CDK13: variants seen among roughly 807,000 people sequenced by gnomAD.
CDK13 encodes cyclin dependent kinase 13, also known as cyclin-dependent kinase 13.
Under a neutral mutation model 137.6 loss-of-function variants are expected in CDK13, and 40 were observed. That is an observed-to-expected ratio of 0.29 (90% CI 0.23 to 0.38). CDK13 has a LOEUF of 0.38. Ranked by LOEUF, CDK13 falls within the 10% of genes least tolerant of loss-of-function variation. CDK13 has a pLI of 1.00. For missense variants in CDK13, 1,704 were observed against 1,951.8 expected, an observed-to-expected ratio of 0.87 and a Z score of 2.39; for synonymous variants, 869 against 760.1, an observed-to-expected ratio of 1.14 and a Z score of -2.36.
At chr7:40,074,379 C>A (rs1000907843) in intron 9 of CDK13, among the ~76,000 whole-genome samples, 1 of 151,728 alleles carries the variant, frequency 6.6e-6, no homozygotes, top group South Asian at 2.1e-4. Flanking sequence ...AAAAATTAGC[C>A]GGGTGTGGTG....
intron 2 of CDK13, 97 bp from the exon 3 acceptor site, chr7:39,997,397 A>T: frequency 1.1e-6 from 1 of 910,974 alleles, no homozygotes; most frequent in South Asian, 1.5e-5. Context: ...ATACTGTTGA[A>T]TATTCATGAC....
intron 11 of CDK13, among the ~76,000 whole-genome samples, chr7:40,081,413 A>G (rs1584081974): frequency 6.6e-6 from 1 of 152,202 alleles, no homozygotes; most frequent in Non-Finnish European, 1.5e-5. Flanking sequence ...AGCAACTATC[A>G]TAGCATTTTG....
Position 39,951,502 on chromosome 7 carries a change from G to C in CDK13, c.861G>C (p.Lys287Asn), listed in dbSNP as rs1490241674. Reference protein sequence around the residue: ...KAHRSRTKSSKEPPSAYKEPP... With the variant: ...KAHRSRTKSSNEPPSAYKEPP... ...ACCGCAGCCGGACTAAGTCGTCCAA[G>C]GAGCCGCCTTCGGCCTACAAGGAAC... Residue 287 changes from lysine to asparagine, a missense_variant, in exon 1 of 14, where the codon AAG becomes AAC. Coordinates refer to ENST00000181839, the MANE Select transcript of CDK13 (RefSeq NM_003718.5). The C allele has an allele frequency of 2.0e-6, 3 of 1,536,860 alleles. No homozygotes were observed. Among genetic ancestry groups the C allele is most frequent in the Admixed American group, 4.1e-5 (2 of 48,486 alleles).
At chr7:40,043,831 C>CAA (rs112749380) in intron 5 of CDK13, among the ~76,000 whole-genome samples, 9 of 97,680 alleles carry the variant, frequency 9.2e-5, no homozygotes, top group African/African-American at 2.5e-4. Flanking sequence ...GACCCTGTCT[C>CAA]AAAAAAAAAA....
At chr7:39,971,664 C>A (rs1784002341) in intron 1 of CDK13, among the ~76,000 whole-genome samples, 1 of 147,782 alleles carries the variant, frequency 6.8e-6, no homozygotes, top group Non-Finnish European at 1.5e-5. Context: ...GCAGGCAGAT[C>A]ACGAGGTCAG....
chr7:39,978,826 G>A (rs1784163516), intron 1 of CDK13, among the ~76,000 whole-genome samples: 1 of 152,234 alleles, frequency 6.6e-6, no homozygotes, highest in Non-Finnish European at 1.5e-5. Context: ...GAGAGTATGA[G>A]ATTGATGCAT....
chr7:40,022,394 AC>A (rs969662762), intron 5 of CDK13, among the ~76,000 whole-genome samples: 2 of 152,168 alleles, frequency 1.3e-5, no homozygotes, highest in African/African-American at 4.8e-5. Context: ...CTCTTCCAAT[AC>A]TCATACTACA....
At chr7:40,026,891 C>G (rs1260271034) in intron 5 of CDK13, among the ~76,000 whole-genome samples, 1 of 152,186 alleles carries the variant, frequency 6.6e-6, no homozygotes, top group Non-Finnish European at 1.5e-5. Flanking sequence ...CAAACAATTT[C>G]AAGTTATATA....
At chr7:39,995,609 T>G (rs1211017332) in intron 2 of CDK13, among the ~76,000 whole-genome samples, 1 of 152,250 alleles carries the variant, frequency 6.6e-6, no homozygotes, top group Non-Finnish European at 1.5e-5. Flanking sequence ...TTGTTAAATT[T>G]CCAGTGCCTT....
At chr7:40,038,101 ATTC>A (rs1332318482) in intron 5 of CDK13, among the ~76,000 whole-genome samples, 3 of 152,078 alleles carry the variant, frequency 2.0e-5, no homozygotes, top group East Asian at 1.9e-4. Context: ...TGTCACTTCC[ATTC>A]TTCTTTTTCT....
At chr7:40,007,791 G>T (rs1784823175) in intron 5 of CDK13, among the ~76,000 whole-genome samples, 1 of 152,128 alleles carries the variant, frequency 6.6e-6, no homozygotes, top group Admixed American at 6.6e-5. Flanking sequence ...ATTTCTGAGA[G>T]CAGGGACTCA....
At chr7:40,073,649 T>C (rs923251647) in intron 9 of CDK13, 1 of 151,724 alleles carries the variant, frequency 6.6e-6, no homozygotes, top group Non-Finnish European at 1.5e-5. Context: ...TGGAGTGCAG[T>C]GGCGCAATCT....
chr7:39,996,983 A>AAAAAAAAAAAAAAAAAAAAAAAAAAAG (rs1562719391), intron 2 of CDK13, among the ~76,000 whole-genome samples: 7 of 141,422 alleles, frequency 4.9e-5, no homozygotes, highest in African/African-American at 2.1e-4. Context: ...AAAAGAAAAA[A>AAAAAAAAAAAAAAAAAAAAAAAAAAAG]AAAAAGAAAA....
At chr7:40,053,107 A>C (rs1180161504) in intron 7 of CDK13, among the ~76,000 whole-genome samples, 1 of 152,194 alleles carries the variant, frequency 6.6e-6, no homozygotes, top group African/African-American at 2.4e-5. Context: ...AGTAGTCTTC[A>C]TTTTTGAGCA....
chr7:39,965,990 G>A (rs1419991020), intron 1 of CDK13, among the ~76,000 whole-genome samples: 2 of 152,200 alleles, frequency 1.3e-5, no homozygotes, highest in African/African-American at 2.4e-5. Context: ...GAGATCAGCT[G>A]TTAGTCTGAT....
In CDK13 at chr7:39,951,699, G is replaced by C; in HGVS notation, c.1058G>C (p.Arg353Pro). ...PAGGGSSPYSRRLPRSPSPYS... is the reference protein window; with the variant it reads ...PAGGGSSPYSPRLPRSPSPYS... Reference sequence around the variant, plus strand: ...GGAGGTGGCAGCAGCCCCTATTCTCGGCGGCTGCCGCGCTCCCCGAGCCCC... The same window carrying C: ...GGAGGTGGCAGCAGCCCCTATTCTCCGCGGCTGCCGCGCTCCCCGAGCCCC... The change falls in exon 1 of 14, where the codon CGG becomes CCG. Residue 353 changes from arginine to proline, a missense_variant. Transcript: ENST00000181839. 1.4e-6 allele frequency: 2 copies of C among 1,467,712 alleles called. No homozygotes were observed. The highest frequency in any genetic ancestry group is 1.8e-6 in the Non-Finnish European group (2 of 1,118,460). 90.9% of individuals were successfully genotyped at this position (1,467,712 alleles called of 1,614,324 possible). A position where few individuals can be genotyped will look rare whatever the true frequency, so the allele number is the denominator to read the frequency against.
At chr7:40,059,655 CCTT>C (rs1341534511) in intron 7 of CDK13, among the ~76,000 whole-genome samples, 2 of 152,202 alleles carry the variant, frequency 1.3e-5, no homozygotes, top group African/African-American at 4.8e-5. Flanking sequence ...CTGCACCCAG[CCTT>C]CTTGGGATTG....
chr7:40,014,698 C>T (rs1023405790), intron 5 of CDK13, among the ~76,000 whole-genome samples: 2 of 151,826 alleles, frequency 1.3e-5, no homozygotes, highest in African/African-American at 4.8e-5. Context: ...TCAAGTGATC[C>T]ACCTGCCTTG....
chr7:39,988,368 A>T (rs1267411471), intron 2 of CDK13, 110 bp downstream of exon 2: 3 of 707,138 alleles, frequency 4.2e-6, no homozygotes, highest in Non-Finnish European at 6.9e-6. Flanking sequence ...AGTGAAAAAG[A>T]CTACAAGTGA....
Sources: gnomAD v4.1 joint callset for allele counts (sites outside exome capture counted in the v4.1 genomes callset) on GRCh38, gnomAD v4.1.1 for gene constraint, MANE v1.5 for transcripts, NCBI Gene and HGNC (gene_info 2026-07-23, HGNC 2026-07-21) for gene names.